Variants in TCP11L2 observed in about 807,000 individuals in gnomAD.
The protein encoded by TCP11L2 is T-complex protein 11-like protein 2.
In TCP11L2, 39 loss-of-function variants were observed where a neutral mutation model predicts 50.7. That is an observed-to-expected ratio of 0.77 (90% confidence interval 0.60 to 1.01). The LOEUF is 1.01. Ranked by LOEUF, TCP11L2 falls within the 50% of genes least tolerant of loss-of-function variation. TCP11L2 has a pLI of 0.00. For missense variants in TCP11L2, 612 were observed against 614.7 expected (o/e 1.00, Z 0.05); for synonymous variants, 192 against 219.3 (o/e 0.88, Z 1.10).
rs571806633 is a variant in TCP11L2 at position 106,311,097 on chromosome 12, C to T, written c.22C>T (p.Gln8Ter). 7.4e-6 allele frequency: 12 copies of T among 1,614,118 alleles called. No individual in the cohort carries two copies. In the East Asian group the frequency reaches 8.9e-5, roughly 12 times the overall value. Residue 8 changes from glutamine to a stop codon, truncating the protein, a stop_gained, in exon 2 of 10, where the codon CAG becomes TAG. Coordinates refer to ENST00000299045, the MANE Select transcript of TCP11L2 (RefSeq NM_152772.3). LOFTEE classifies it high-confidence loss of function. ...CAAAATGCCCTTCAATGGCGAGAAG[C>T]AGTGTGTGGGAGAGGACCAGCCAAG... is the stretch of plus-strand genomic sequence containing the variant. MPFNGEKQCVGEDQPSDS... is the reference protein window; with the variant it reads MPFNGEK
chr12:106,314,346 T>C lies in TCP11L2; in HGVS notation c.158-12T>C, dbSNP rs779656786. On this transcript the variant is annotated splice_polypyrimidine_tract_variant and intron_variant, in intron 2 of 9. Coordinates refer to ENST00000299045, the MANE Select transcript of TCP11L2 (RefSeq NM_152772.3). ...CTTCTGCAACATTAACTGGCTTTTG[T>C]TTTTCTTTCAGCAACAAGCCCTCCA... 4 of 1,594,216 alleles carry C rather than the reference T, an allele frequency of 2.5e-6. No homozygotes were observed. Among genetic ancestry groups the C allele is most frequent in the Non-Finnish European group, 2.6e-6 (3 of 1,164,812 alleles).
chr12:106,316,858 G>A (rs2035109003), intron 3 of TCP11L2, among the ~76,000 whole-genome samples: 1 of 152,096 alleles, frequency 6.6e-6, no homozygotes, highest in South Asian at 2.1e-4. Context: ...TTGAGATGGA[G>A]TCTTGTTTTA....
At chr12:106,314,215 A>T in intron 2 of TCP11L2, 143 bp from the exon 3 acceptor site, 3 of 699,780 alleles carry the variant, frequency 4.3e-6, no homozygotes, top group Admixed American at 3.0e-5. Context: ...GAGGGAATTC[A>T]CCTATTTTAA....
Position 106,318,484 on chromosome 12 carries a change from G to A in TCP11L2, c.414+20G>A. 1 of 1,611,890 alleles carries A rather than the reference G, an allele frequency of 6.2e-7. No homozygotes were observed. The highest frequency in any genetic ancestry group is 8.5e-7 in the Non-Finnish European group (1 of 1,178,588). The stretch of plus-strand genomic sequence containing the variant: ...AGAGAGGCAAGTTGCTTTGTTGTCT[G>A]TGTCAGTTAGCGTCTTACTCCAGGT... On this transcript the variant is annotated intron_variant, in intron 4 of 9. Coordinates refer to ENST00000299045, the MANE Select transcript of TCP11L2 (RefSeq NM_152772.3).
intron 6 of TCP11L2, among the ~76,000 whole-genome samples, chr12:106,334,521 C>A (rs1328521875): frequency 6.6e-6 from 1 of 152,312 alleles, no homozygotes; most frequent in African/African-American, 2.4e-5. Flanking sequence ...CTCACTTCCA[C>A]TGCCCTTATC....
chr12:106,302,381 GCTCAGCCCCCGCTCAGCCCCCGCTCA>G (rs1248902488), upstream of TCP11L2, among the ~76,000 whole-genome samples: 2,183 of 58,242 alleles, frequency 0.037, 289 homozygotes, highest in African/African-American at 0.07. Context: ...CTCAGCCCCC[GCTCAGCCCCCGCTCAGCCCCCGCTCA>G]GCCCCCGCTC....
intron 9 of TCP11L2, among the ~76,000 whole-genome samples, chr12:106,341,957 G>T (rs933342205): frequency 6.6e-6 from 1 of 152,168 alleles, no homozygotes; most frequent in African/African-American, 2.4e-5. Flanking sequence ...CCAAGGAAGA[G>T]TCAGTTTTCT....
chr12:106,321,569 G>A lies in TCP11L2; in HGVS notation c.498G>A (p.Gln166=), dbSNP rs1192202273. 2 of 1,614,236 alleles carry A rather than the reference G, an allele frequency of 1.2e-6. No individual in the cohort carries two copies. The highest frequency in any genetic ancestry group is 2.2e-5 in the South Asian group (2 of 91,086). The part of the protein sequence containing the change: ...CEVLDTDLIR[Q]QAEHSAVDIQ... ...TTTTGGACACAGACCTCATTAGGCA[G>A]CAGGCTGAGCACAGTGCTGTTGACA... is the stretch of plus-strand genomic sequence containing the variant. The change falls in exon 5 of 10, where the codon CAG becomes CAA. Residue 166 remains glutamine (Q), a synonymous_variant. Coordinates refer to ENST00000299045, the MANE Select transcript of TCP11L2 (RefSeq NM_152772.3).
intron 6 of TCP11L2, among the ~76,000 whole-genome samples, chr12:106,328,887 T>C (rs2035646763): frequency 6.6e-6 from 1 of 152,138 alleles, no homozygotes. Flanking sequence ...AGGCCATCCC[T>C]GAACACTCTC....
At chr12:106,314,866 A>G (rs1192754552) in intron 3 of TCP11L2, among the ~76,000 whole-genome samples, 2 of 151,884 alleles carry the variant, frequency 1.3e-5, no homozygotes, top group African/African-American at 4.8e-5. Context: ...ATTATCCAGC[A>G]TGGTGGCATG....
At chr12:106,329,093 A>G (rs1178117922) in intron 6 of TCP11L2, among the ~76,000 whole-genome samples, 1 of 152,156 alleles carries the variant, frequency 6.6e-6, no homozygotes, top group Non-Finnish European at 1.5e-5. Flanking sequence ...AAAAGATGTC[A>G]TGGATAAGGA....
At chr12:106,345,003 T>A (rs2036189830) in intron 9 of TCP11L2, among the ~76,000 whole-genome samples, 1 of 152,112 alleles carries the variant, frequency 6.6e-6, no homozygotes. Context: ...TTATTTAGTA[T>A]TAATTAATTA....
At chr12:106,338,894 A>G (rs895070571) in intron 8 of TCP11L2, among the ~76,000 whole-genome samples, 1 of 152,216 alleles carries the variant, frequency 6.6e-6, no homozygotes, top group Non-Finnish European at 1.5e-5. Flanking sequence ...TAATCCCAGC[A>G]TTCTAGGAGG....
chr12:106,346,002 G>T (rs777557707), intron 9 of TCP11L2, among the ~76,000 whole-genome samples: 1 of 152,146 alleles, frequency 6.6e-6, no homozygotes, highest in Non-Finnish European at 1.5e-5. Flanking sequence ...AACAAGAGTG[G>T]CCTCTTGAGG....
At chr12:106,340,675 G>C (rs1318654638) in intron 8 of TCP11L2, 151 bp from the exon 9 acceptor site, 3 of 525,870 alleles carry the variant, frequency 5.7e-6, no homozygotes, top group Non-Finnish European at 9.5e-6. Context: ...TGGTTGGGAG[G>C]AGTTACTATT....
Position 106,321,570 on chromosome 12 carries a change from C to A in TCP11L2, c.499C>A (p.Gln167Lys). 2 of 1,614,238 alleles carry A rather than the reference C, an allele frequency of 1.2e-6. No homozygotes were observed. Among genetic ancestry groups the A allele is most frequent in the African/African-American group, 1.3e-5 (1 of 75,064 alleles). Residue 167 changes from glutamine to lysine, a missense_variant, in exon 5 of 10, where the codon CAG (glutamine) becomes AAG (lysine). Physicochemically the swap from Gln to Lys is moderately conservative, Grantham distance 53. Transcript: ENST00000299045. ...EVLDTDLIRQ[Q>K]AEHSAVDIQG... The stretch of plus-strand genomic sequence containing the variant: ...TTTGGACACAGACCTCATTAGGCAG[C>A]AGGCTGAGCACAGTGCTGTTGACAT...
intron 6 of TCP11L2, among the ~76,000 whole-genome samples, chr12:106,332,343 C>T (rs1334631965): frequency 6.6e-6 from 1 of 152,154 alleles, no homozygotes; most frequent in African/African-American, 2.4e-5. Context: ...CACACAGAAA[C>T]CTATACATAA....
chr12:106,345,752 C>T (rs778423207), intron 9 of TCP11L2, among the ~76,000 whole-genome samples: 24 of 152,200 alleles, frequency 1.6e-4, no homozygotes, highest in African/African-American at 3.6e-4. Context: ...GTCTGTGAGG[C>T]GACCGGGTGG....
chr12:106,309,272 G>A (rs2034756036), intron 1 of TCP11L2, among the ~76,000 whole-genome samples: 1 of 152,144 alleles, frequency 6.6e-6, no homozygotes, highest in Admixed American at 6.5e-5. Flanking sequence ...GTAGAATTTA[G>A]TCTTCATGAG....
Sources: allele counts gnomAD v4.1 joint callset (sites outside exome capture counted in the v4.1 genomes callset), GRCh38; gene constraint gnomAD v4.1.1; transcripts MANE v1.5; gene names NCBI Gene and HGNC (gene_info 2026-07-23, HGNC 2026-07-21).